The following KCNN2 variants were observed in gnomAD, a reference collection of about 807,000 sequenced individuals.
KCNN2 encodes small conductance calcium-activated potassium channel protein 2.
A neutral mutation model predicts 55.5 loss-of-function variants in KCNN2; 24 were observed. That is an observed-to-expected ratio of 0.43 (90% confidence interval 0.31 to 0.61). KCNN2 has a LOEUF of 0.61. Among genes scored for constraint, KCNN2 ranks in the 20% least tolerant of loss-of-function variants. The probability of loss-of-function intolerance (pLI) is 0.08; values close to 1 mark genes in which losing one functional copy is unlikely to be tolerated. For synonymous variants in KCNN2, 431 were observed against 336.1 expected, an observed-to-expected ratio of 1.28 and a Z score of -3.09; for missense variants, 754 against 853.6, an observed-to-expected ratio of 0.88 and a Z score of 1.45.
chr5:114,241,460 C>A (rs1754618100), intron 2 of KCNN2, among the ~76,000 whole-genome samples: 1 of 151,390 alleles, frequency 6.6e-6, no homozygotes, highest in Admixed American at 6.6e-5. Flanking sequence ...AATAAATGGA[C>A]TGGTGAAAAC....
At chr5:114,430,885 GTTGATGGA>G (rs1346242422) in intron 3 of KCNN2, among the ~76,000 whole-genome samples, 1 of 152,026 alleles carries the variant, frequency 6.6e-6, no homozygotes, top group Non-Finnish European at 1.5e-5. Flanking sequence ...CTGTTATGTG[GTTGATGGA>G]TTACATTGAT....
intron 1 of KCNN2, among the ~76,000 whole-genome samples, chr5:114,127,937 T>G (rs2112607152): frequency 6.6e-6 from 1 of 152,244 alleles, no homozygotes. Flanking sequence ...AACAAGTTTC[T>G]TATCTCCATC....
chr5:114,407,153 G>C (rs1758961663), intron 3 of KCNN2, among the ~76,000 whole-genome samples: 1 of 151,914 alleles, frequency 6.6e-6, no homozygotes, highest in African/African-American at 2.4e-5. Context: ...CTGGGAACTT[G>C]GTGGACCTGT....
At chr5:114,383,456 A>ACTAAAT (rs1374729427) in intron 2 of KCNN2, among the ~76,000 whole-genome samples, 1 of 144,814 alleles carries the variant, frequency 6.9e-6, no homozygotes, top group Non-Finnish European at 1.5e-5. Flanking sequence ...ACTAAGCCCC[A>ACTAAAT]CTAAATGCTT....
chr5:114,438,379 A>T (rs1760084869), intron 3 of KCNN2, among the ~76,000 whole-genome samples: 1 of 152,066 alleles, frequency 6.6e-6, no homozygotes, highest in Admixed American at 6.6e-5. Flanking sequence ...ATTTGGGAGG[A>T]TTATGATAGG....
intron 2 of KCNN2, among the ~76,000 whole-genome samples, chr5:114,226,635 G>A (rs1437446314): frequency 6.6e-6 from 1 of 152,132 alleles, no homozygotes; most frequent in Admixed American, 6.6e-5. Context: ...GGATGCAGTA[G>A]CTCATGCCTG....
chr5:114,416,121 A>G (rs1373792174), intron 3 of KCNN2, among the ~76,000 whole-genome samples: 1 of 152,234 alleles, frequency 6.6e-6, no homozygotes, highest in Non-Finnish European at 1.5e-5. Context: ...AATCCTGCTT[A>G]AAAAGTCTTT....
chr5:114,237,413 G>A (rs559653333), intron 2 of KCNN2, among the ~76,000 whole-genome samples: 1 of 152,160 alleles, frequency 6.6e-6, no homozygotes, highest in South Asian at 2.1e-4. Context: ...AATTGAGGGA[G>A]CTGACCTAGA....
At chr5:114,490,339 TTTTAACCA>T (rs1747788128) in intron 6 of KCNN2, among the ~76,000 whole-genome samples, 3 of 152,330 alleles carry the variant, frequency 2.0e-5, no homozygotes, top group Admixed American at 2.0e-4. Context: ...AATATTGTTC[TTTTAACCA>T]TATCACATTC....
chr5:114,306,692 T>TTC (rs113512382), intron 2 of KCNN2, among the ~76,000 whole-genome samples: 143,984 of 147,124 alleles, frequency 0.98, 70,510 homozygotes, highest in South Asian at 1. Context: ...CTTAAATTTT[T>TTC]TTTTTTTCTT....
chr5:114,160,454 CT>C (rs1752746228), intron 1 of KCNN2, among the ~76,000 whole-genome samples: 1 of 151,948 alleles, frequency 6.6e-6, no homozygotes, highest in Non-Finnish European at 1.5e-5. Context: ...TAGGTGTGGT[CT>C]GGTGCTGAAA....
At chr5:114,470,502 G>C (rs1761677800) in intron 4 of KCNN2, among the ~76,000 whole-genome samples, 1 of 152,130 alleles carries the variant, frequency 6.6e-6, no homozygotes, top group Non-Finnish European at 1.5e-5. Flanking sequence ...ATCATAGGTG[G>C]TCACTGATTT....
rs571932375 is a variant in KCNN2, at chr5:114,468,751, G to T, written c.1780-4303G>T. ...TTATTATGTTGAATCTTTTGAAGAT[G>T]TCTTTTTCACAGTTGAAATAATCAA... On this transcript the variant is annotated intron_variant, in intron 4 of 7. Transcript: ENST00000673685. 2.6e-5 allele frequency among the ~76,000 whole-genome samples: 4 copies of T among 152,230 alleles called. No individual in the cohort carries two copies. In the East Asian group the frequency reaches 7.7e-4, roughly 29 times the overall value.
At chr5:114,088,543 AT>A (rs1297649459) in intron 1 of KCNN2, among the ~76,000 whole-genome samples, 1 of 151,628 alleles carries the variant, frequency 6.6e-6, no homozygotes, top group Admixed American at 6.6e-5. Context: ...TTCTTCCAGT[AT>A]TCTTATAATT....
chr5:114,329,248 G>A lies in KCNN2; in HGVS notation c.-184-31697G>A, dbSNP rs1195681540. 2.6e-5 allele frequency among the ~76,000 whole-genome samples: 4 copies of A among 152,218 alleles called. No individual in the cohort carries two copies. The East Asian group carries it at 7.7e-4, about 29-fold the overall frequency. ...GATGGTTAATATTGAGTGTCAACTT[G>A]ATTGGATTGAAGGATGCAAAGCATT... On this transcript the variant is annotated intron_variant, in intron 2 of 10. Coordinates refer to the KCNN2 transcript ENST00000512097.
intron 1 of KCNN2, among the ~76,000 whole-genome samples, chr5:114,110,088 A>G (rs1268456129): frequency 6.6e-6 from 1 of 152,068 alleles, no homozygotes; most frequent in East Asian, 1.9e-4. Context: ...TAATGGATGC[A>G]GCCCTCACTA....
chr5:114,415,717 C>T (rs1185564649), intron 3 of KCNN2, among the ~76,000 whole-genome samples: 1 of 152,022 alleles, frequency 6.6e-6, no homozygotes, highest in Admixed American at 6.5e-5. Flanking sequence ...TCAAATTGCC[C>T]ATTTTTAAAC....
chr5:114,088,732 G>C (rs867968975), intron 1 of KCNN2, among the ~76,000 whole-genome samples: 5 of 152,028 alleles, frequency 3.3e-5, no homozygotes, highest in Non-Finnish European at 5.9e-5. Context: ...GGATTCTCTT[G>C]CCTCAGCCTC....
chr5:114,299,604 C>T (rs774803017), intron 2 of KCNN2, among the ~76,000 whole-genome samples: 8 of 152,148 alleles, frequency 5.3e-5, no homozygotes, highest in Non-Finnish European at 1.0e-4. Context: ...ACATCTGTGT[C>T]ATCTGTGCTC....
Sources: gnomAD v4.1 joint callset for allele counts (sites outside exome capture counted in the v4.1 genomes callset) on GRCh38, gnomAD v4.1.1 for gene constraint, MANE v1.5 for transcripts, NCBI Gene and HGNC (gene_info 2026-07-23, HGNC 2026-07-21) for gene names.